THSD7B: variants seen among roughly 807,000 people sequenced by gnomAD.
The protein encoded by THSD7B is thrombospondin type 1 domain containing 7B.
THSD7B carries 138 observed loss-of-function variants against 213.6 expected under a neutral mutation model. The ratio of observed to expected loss-of-function variants is 0.65; its 90% CI spans 0.56 to 0.74. THSD7B has a LOEUF of 0.74. Ranked by LOEUF, THSD7B falls within the 30% of genes least tolerant of loss-of-function variation. THSD7B has a pLI of 0.00. For synonymous variants in THSD7B, 742 were observed against 687.0 expected, an observed-to-expected ratio of 1.08 and a Z score of -1.25; for missense variants, 1,931 against 1,991.5, an observed-to-expected ratio of 0.97 and a Z score of 0.58.
At chr2:137,668,647 AT>A in intron 27 of THSD7B, among the ~76,000 whole-genome samples, 1 of 152,252 alleles carries the variant, frequency 6.6e-6, no homozygotes, top group African/African-American at 2.4e-5. Flanking sequence ...TTCAAGTATA[AT>A]TTATGACTCC....
chr2:137,559,455 A>C (rs571867140), intron 15 of THSD7B, among the ~76,000 whole-genome samples: 8 of 152,252 alleles, frequency 5.3e-5, no homozygotes, highest in Middle Eastern at 3.4e-3. Context: ...CAAAAACAAG[A>C]AATGGGGAAA....
In THSD7B at chr2:137,056,589, C is replaced by T. The variant is rs1261362001; in HGVS notation, c.309C>T (p.Leu103=). Residue 103 remains leucine, a synonymous_variant, in exon 3 of 28, where the codon CTC becomes CTT. Transcript: ENST00000409968. ...CFRVCDWHSD[L]FQWEVSDWHH... ...GAGTTTGTGACTGGCACAGTGACCTCTTTCAGTGGGAGGTTTCTGACTGGC... is the reference window on the plus strand; with the variant it reads ...GAGTTTGTGACTGGCACAGTGACCTTTTTCAGTGGGAGGTTTCTGACTGGC... 1.2e-6 allele frequency: 2 copies of T among 1,613,926 alleles called. No individual in the cohort carries two copies. The highest frequency in any genetic ancestry group is 1.7e-6 in the Non-Finnish European group (2 of 1,179,876).
intron 20 of THSD7B, among the ~76,000 whole-genome samples, chr2:137,624,518 C>T (rs1046783754): frequency 1.3e-5 from 2 of 152,126 alleles, no homozygotes; most frequent in African/African-American, 4.8e-5. Context: ...AAAGAAACTA[C>T]CATCAGAGTG....
chr2:137,602,903 C>A (rs547899430), intron 17 of THSD7B, among the ~76,000 whole-genome samples: 1 of 152,172 alleles, frequency 6.6e-6, no homozygotes, highest in South Asian at 2.1e-4. Context: ...ATGTCTGTAT[C>A]TACCATCCAC....
intron 14 of THSD7B, among the ~76,000 whole-genome samples, chr2:137,442,094 T>C (rs998509731): frequency 2.6e-5 from 4 of 152,066 alleles, no homozygotes; most frequent in African/African-American, 9.7e-5. Context: ...TACAAGGAAA[T>C]TGAACTATGG....
intron 2 of THSD7B, among the ~76,000 whole-genome samples, chr2:136,933,108 ATTCCTTCCTTCCTTCCTTCCTTCCTTCC>A (rs56042301): frequency 1.7e-3 from 221 of 130,774 alleles, no homozygotes; most frequent in Middle Eastern, 7.8e-3. Flanking sequence ...TTTGCCCGCC[ATTCCTTCCTTCCTTCCTTCCTTCCTTCC>A]TTCCTTCCTT....
chr2:137,657,209 G>T (rs903151955), intron 24 of THSD7B, 49 bp downstream of exon 24: 1 of 1,529,486 alleles, frequency 6.5e-7, no homozygotes. Flanking sequence ...ACCCCTGAGT[G>T]TTGTTATTTG....
chr2:137,042,070 G>A (rs1686893898), intron 2 of THSD7B, among the ~76,000 whole-genome samples: 1 of 152,134 alleles, frequency 6.6e-6, no homozygotes, highest in South Asian at 2.1e-4. Flanking sequence ...TTTAACAATT[G>A]CTCTGCTGAT....
intron 7 of THSD7B, among the ~76,000 whole-genome samples, chr2:137,196,756 C>T (rs1250111641): frequency 6.6e-6 from 1 of 152,036 alleles, no homozygotes; most frequent in Non-Finnish European, 1.5e-5. Flanking sequence ...GTAAAAGAAA[C>T]ATAAATGAAT....
chr2:136,941,027 C>T (rs371202076), intron 2 of THSD7B, among the ~76,000 whole-genome samples: 5 of 151,904 alleles, frequency 3.3e-5, no homozygotes, highest in Non-Finnish European at 7.4e-5. Flanking sequence ...CATGACAGGC[C>T]CCAGTGTGTG....
intron 12 of THSD7B, among the ~76,000 whole-genome samples, chr2:137,367,709 C>G (rs1685452876): frequency 6.6e-6 from 1 of 152,100 alleles, no homozygotes; most frequent in African/African-American, 2.4e-5. Context: ...GTCAGTGTGC[C>G]AGCATGGTTG....
intron 1 of THSD7B, among the ~76,000 whole-genome samples, chr2:136,778,528 C>T (rs1209621388): frequency 1.3e-5 from 2 of 152,130 alleles, no homozygotes; most frequent in African/African-American, 4.8e-5. Flanking sequence ...CAATGTCCTA[C>T]CCAGGAATTC....
intron 2 of THSD7B, among the ~76,000 whole-genome samples, chr2:137,048,459 G>A (rs1687008015): frequency 6.6e-6 from 1 of 152,192 alleles, no homozygotes; most frequent in Admixed American, 6.5e-5. Context: ...ACTAGAAAGA[G>A]ATATGGGTTC....
At chr2:137,609,259 C>G (rs778759166) in intron 17 of THSD7B, among the ~76,000 whole-genome samples, 1 of 151,770 alleles carries the variant, frequency 6.6e-6, no homozygotes. Context: ...ACCAGAAGCA[C>G]CAAATTAATA....
chr2:137,305,326 A>G (rs879746872), intron 12 of THSD7B, among the ~76,000 whole-genome samples: 1 of 152,088 alleles, frequency 6.6e-6, no homozygotes, highest in Non-Finnish European at 1.5e-5. Flanking sequence ...GAACTGGTCA[A>G]TCAGTCTTTG....
intron 2 of THSD7B, among the ~76,000 whole-genome samples, chr2:136,891,708 T>C (rs1039840104): frequency 2.6e-5 from 4 of 152,204 alleles, no homozygotes; most frequent in Non-Finnish European, 5.9e-5. Flanking sequence ...CATGTTCTAG[T>C]TGATGAAAAG....
chr2:137,639,100 G>GA (rs199548688), intron 20 of THSD7B, among the ~76,000 whole-genome samples: 1,776 of 152,126 alleles, frequency 0.012, 19 homozygotes, highest in Middle Eastern at 0.02. Flanking sequence ...AGACCAAGGG[G>GA]AAAATGTCTC....
At chr2:137,186,510 T>C (rs568506238) in intron 7 of THSD7B, among the ~76,000 whole-genome samples, 1 of 151,882 alleles carries the variant, frequency 6.6e-6, no homozygotes, top group East Asian at 1.9e-4. Context: ...TTATGGACTT[T>C]GGATGACTGT....
At chr2:137,412,975 T>C (rs1017755652) in intron 14 of THSD7B, among the ~76,000 whole-genome samples, 1 of 151,900 alleles carries the variant, frequency 6.6e-6, no homozygotes, top group Admixed American at 6.6e-5. Flanking sequence ...GTCATCAAGG[T>C]TTTGTGTACT....
Sources: gnomAD v4.1 joint callset for allele counts (sites outside exome capture counted in the v4.1 genomes callset) on GRCh38, gnomAD v4.1.1 for gene constraint, MANE v1.5 for transcripts, NCBI Gene and HGNC (gene_info 2026-07-23, HGNC 2026-07-21) for gene names.